LRRC4C: variants seen among roughly 807,000 people sequenced by gnomAD.
The protein encoded by LRRC4C is leucine-rich repeat-containing protein 4C.
In LRRC4C, 5 loss-of-function variants were observed where a neutral mutation model predicts 33.6. That is an observed-to-expected ratio of 0.15 (90% confidence interval 0.08 to 0.31). LRRC4C has a LOEUF of 0.31. LRRC4C is among the 10% of genes least tolerant of loss of function. LRRC4C has a pLI of 1.00. For missense variants in LRRC4C, 560 were observed against 796.7 expected (o/e 0.70, Z 3.58); for synonymous variants, 329 against 302.0 (o/e 1.09, Z -0.93).
chr11:40,729,809 A>G (rs866519305), intron 2 of LRRC4C, among the ~76,000 whole-genome samples: 3 of 152,198 alleles, frequency 2.0e-5, no homozygotes, highest in Admixed American at 6.5e-5. Context: ...GTAGAATCAT[A>G]TCATTTTTAT....
At chr11:40,912,339 G>A (rs1378655950) in intron 2 of LRRC4C, among the ~76,000 whole-genome samples, 1 of 152,222 alleles carries the variant, frequency 6.6e-6, no homozygotes, top group Non-Finnish European at 1.5e-5. Context: ...CAGACTAACA[G>A]CTGATCTCTC....
chr11:40,123,966 G>A (rs952131107), intron 6 of LRRC4C, among the ~76,000 whole-genome samples: 1 of 152,008 alleles, frequency 6.6e-6, no homozygotes, highest in African/African-American at 2.4e-5. Flanking sequence ...TTTGACAAAG[G>A]TGCCAAGAAC....
chr11:40,417,637 C>A (rs1950376965), intron 3 of LRRC4C, among the ~76,000 whole-genome samples: 2 of 152,104 alleles, frequency 1.3e-5, no homozygotes, highest in Admixed American at 6.5e-5. Context: ...CAAGCATGAG[C>A]CACCATGCCT....
At chr11:41,119,223 A>G (rs1263260806) in intron 1 of LRRC4C, among the ~76,000 whole-genome samples, 5 of 152,116 alleles carry the variant, frequency 3.3e-5, no homozygotes, top group African/African-American at 1.2e-4. Flanking sequence ...AGTACATAGC[A>G]TATTTTAAAT....
chr11:40,694,800 T>G (rs1319755416), intron 2 of LRRC4C, among the ~76,000 whole-genome samples: 2 of 152,130 alleles, frequency 1.3e-5, no homozygotes, highest in Non-Finnish European at 2.9e-5. Flanking sequence ...CAAATTGATA[T>G]AGGTTGGCTT....
At chr11:40,396,204 T>C (rs1949534095) in intron 3 of LRRC4C, among the ~76,000 whole-genome samples, 1 of 152,122 alleles carries the variant, frequency 6.6e-6, no homozygotes, top group Non-Finnish European at 1.5e-5. Context: ...GCTGTTCATC[T>C]TACAGCATAA....
chr11:41,054,362 A>C (rs997173271), intron 1 of LRRC4C, among the ~76,000 whole-genome samples: 2 of 152,242 alleles, frequency 1.3e-5, no homozygotes, highest in East Asian at 3.9e-4. Flanking sequence ...ACTGAAAGAC[A>C]GCATGAAACT....
At chr11:41,199,808 A>G (rs1305430749) in intron 1 of LRRC4C, among the ~76,000 whole-genome samples, 1 of 152,126 alleles carries the variant, frequency 6.6e-6, no homozygotes, top group Non-Finnish European at 1.5e-5. Context: ...GTGTTTTCAT[A>G]GATATTGTGG....
chr11:40,881,448 T>C (rs550392552), intron 2 of LRRC4C, among the ~76,000 whole-genome samples: 1 of 152,118 alleles, frequency 6.6e-6, no homozygotes, highest in African/African-American at 2.4e-5. Context: ...GTGTTTTGCG[T>C]CAAAGCAATA....
intron 1 of LRRC4C, among the ~76,000 whole-genome samples, chr11:40,983,517 G>A (rs1373753175): frequency 3.3e-5 from 5 of 152,130 alleles, no homozygotes; most frequent in Admixed American, 3.3e-4. Context: ...TGACAAATGG[G>A]ATTTAATTAA....
intron 2 of LRRC4C, among the ~76,000 whole-genome samples, chr11:40,655,505 A>T (rs1167008328): frequency 6.6e-6 from 1 of 152,228 alleles, no homozygotes; most frequent in Non-Finnish European, 1.5e-5. Context: ...TTCACATAAC[A>T]GAAGGAAAAT....
intron 5 of LRRC4C, among the ~76,000 whole-genome samples, chr11:40,165,265 C>T (rs139622971): frequency 1.0e-3 from 159 of 152,018 alleles, no homozygotes; most frequent in African/African-American, 3.0e-3. Context: ...TATATGTATC[C>T]GTTTCTATGT....
chr11:41,275,060 G>C (rs76688890), intron 1 of LRRC4C, among the ~76,000 whole-genome samples: 2,686 of 152,128 alleles, frequency 0.018, 80 homozygotes, highest in African/African-American at 0.062. Flanking sequence ...TGTTTAAAGA[G>C]CCTGGCACCT....
intron 1 of LRRC4C, among the ~76,000 whole-genome samples, chr11:41,454,243 C>T (rs1564963405): frequency 6.6e-6 from 1 of 152,106 alleles, no homozygotes; most frequent in Non-Finnish European, 1.5e-5. Context: ...CTTTTTACAT[C>T]TTTTCTGATA....
At chr11:41,019,021 C>T (rs188887577) in intron 1 of LRRC4C, among the ~76,000 whole-genome samples, 2 of 152,106 alleles carry the variant, frequency 1.3e-5, no homozygotes, top group East Asian at 1.9e-4. Context: ...CCCCTTTGTA[C>T]TCCATCCTAA....
chr11:40,426,886 C>T (rs1950736543), intron 3 of LRRC4C, among the ~76,000 whole-genome samples: 1 of 152,186 alleles, frequency 6.6e-6, no homozygotes, highest in Non-Finnish European at 1.5e-5. Context: ...AAATCTCACT[C>T]CATTTCTAGC....
At chr11:40,940,055 T>C (rs1463996083) in intron 1 of LRRC4C, among the ~76,000 whole-genome samples, 1 of 152,142 alleles carries the variant, frequency 6.6e-6, no homozygotes, top group East Asian at 1.9e-4. Context: ...ACTTGGCTAA[T>C]TATAGTCATT....
chr11:40,506,351 A>G (rs767518921), intron 3 of LRRC4C, among the ~76,000 whole-genome samples: 4 of 152,166 alleles, frequency 2.6e-5, no homozygotes, highest in African/African-American at 7.2e-5. Context: ...TTTCACATGA[A>G]CAGAAATCTT....
intron 3 of LRRC4C, among the ~76,000 whole-genome samples, chr11:40,366,034 AT>A (rs1565317820): frequency 6.6e-6 from 1 of 152,046 alleles, no homozygotes; most frequent in African/African-American, 2.4e-5. Flanking sequence ...TAATCTCAAC[AT>A]AACCAACTAT....
Sources: allele counts gnomAD v4.1 joint callset (sites outside exome capture counted in the v4.1 genomes callset), GRCh38; gene constraint gnomAD v4.1.1; transcripts MANE v1.5; gene names NCBI Gene and HGNC (gene_info 2026-07-23, HGNC 2026-07-21).